The following PRKCA variants were observed in gnomAD, a reference collection of about 807,000 sequenced individuals.
The protein encoded by PRKCA is protein kinase C alpha type.
Under a neutral mutation model 87.0 loss-of-function variants are expected in PRKCA, and 27 were observed. That is an observed-to-expected ratio of 0.31 (90% CI 0.23 to 0.43). The LOEUF (loss-of-function observed/expected upper bound fraction) is 0.43. Among genes scored for constraint, PRKCA ranks in the 20% least tolerant of loss-of-function variants. The pLI, the probability that PRKCA is intolerant of heterozygous loss-of-function variation, is 1.00. For missense variants in PRKCA, 518 were observed against 852.3 expected, an observed-to-expected ratio of 0.61 and a Z score of 4.88; for synonymous variants, 329 against 311.1, an observed-to-expected ratio of 1.06 and a Z score of -0.61.
intron 2 of PRKCA, among the ~76,000 whole-genome samples, chr17:66,445,969 A>G (rs769156615): frequency 6.6e-6 from 1 of 151,774 alleles, no homozygotes; most frequent in African/African-American, 2.4e-5. Flanking sequence ...GCGTGCCACT[A>G]CACCTGGCTA....
chr17:66,604,472 T>C (rs961516836), intron 3 of PRKCA, among the ~76,000 whole-genome samples: 2 of 152,218 alleles, frequency 1.3e-5, no homozygotes, highest in Non-Finnish European at 2.9e-5. Context: ...TTTTCTCTAG[T>C]CCCTTTGGTA....
chr17:66,672,619 A>C (rs1428390752), intron 5 of PRKCA, among the ~76,000 whole-genome samples: 4 of 152,228 alleles, frequency 2.6e-5, no homozygotes, highest in Non-Finnish European at 5.9e-5. Context: ...CAAGAAAAAA[A>C]GTATCAGAAA....
chr17:66,552,848 G>T (rs184635782), intron 3 of PRKCA, among the ~76,000 whole-genome samples: 10 of 152,088 alleles, frequency 6.6e-5, no homozygotes, highest in Non-Finnish European at 1.2e-4. Flanking sequence ...GCCGCCTCCC[G>T]CCATGTATGA....
In PRKCA at chr17:66,804,017, A is replaced by T. The variant is rs373125445; in HGVS notation, c.1999A>T (p.Ile667Phe). Residue 667 changes from isoleucine (I) to phenylalanine (F), a missense_variant, in exon 17 of 17, where the codon ATC becomes TTC. This residue lies in a region of PRKCA where 159 missense variants were observed against 232.4 expected (regional missense o/e 0.68). Transcript: ENST00000413366. ...TGTCAACCCCCAGTTTGTGCACCCCATCTTACAGAGTGCAGTATGAAACTC... is the reference window on the plus strand; with the variant it reads ...TGTCAACCCCCAGTTTGTGCACCCCTTCTTACAGAGTGCAGTATGAAACTC... ...SYVNPQFVHP[I>F]LQSAV is the part of the protein sequence containing the mutation. The T allele has an allele frequency of 5.4e-5, 87 of 1,612,996 alleles. No homozygotes were observed. The highest frequency in any genetic ancestry group is 7.0e-5 in the Non-Finnish European group (83 of 1,179,360).
chr17:66,519,437 G>T (rs951578593), intron 3 of PRKCA, among the ~76,000 whole-genome samples: 1 of 152,182 alleles, frequency 6.6e-6, no homozygotes, highest in Non-Finnish European at 1.5e-5. Context: ...GTTGACTGGG[G>T]CCTTAAGGTG....
intron 3 of PRKCA, among the ~76,000 whole-genome samples, chr17:66,633,275 A>C (rs1971069832): frequency 6.6e-6 from 1 of 152,156 alleles, no homozygotes; most frequent in South Asian, 2.1e-4. Context: ...TAACCAAAAA[A>C]ATTTTAAATA....
At chr17:66,362,938 C>T (rs1393477291) in intron 2 of PRKCA, among the ~76,000 whole-genome samples, 4 of 152,180 alleles carry the variant, frequency 2.6e-5, no homozygotes, top group African/African-American at 9.6e-5. Flanking sequence ...AGGGGATCCA[C>T]CCGCCTCAGC....
At chr17:66,337,757 A>G (rs1392537384) in intron 2 of PRKCA, among the ~76,000 whole-genome samples, 1 of 152,090 alleles carries the variant, frequency 6.6e-6, no homozygotes, top group Non-Finnish European at 1.5e-5. Flanking sequence ...ATATACCTCA[A>G]TGGTTTTTTA....
intron 2 of PRKCA, among the ~76,000 whole-genome samples, chr17:66,467,796 G>A (rs1343504635): frequency 4.0e-5 from 6 of 151,862 alleles, no homozygotes; most frequent in African/African-American, 9.7e-5. Context: ...GGGCTCAAGC[G>A]ATCCCCACGC....
At chr17:66,572,780 C>A (rs767560720) in intron 3 of PRKCA, among the ~76,000 whole-genome samples, 8 of 152,106 alleles carry the variant, frequency 5.3e-5, no homozygotes, top group Admixed American at 1.3e-4. Context: ...ATGAGCCACC[C>A]CACCTGGCCC....
At chr17:66,785,912 C>T (rs570140873) in intron 14 of PRKCA, among the ~76,000 whole-genome samples, 59 of 152,246 alleles carry the variant, frequency 3.9e-4, no homozygotes, top group Non-Finnish European at 4.9e-4. Context: ...CACTGCAAGC[C>T]CCGCCTCCCA....
At chr17:66,460,263 G>A (rs1187279848) in intron 2 of PRKCA, among the ~76,000 whole-genome samples, 1 of 152,152 alleles carries the variant, frequency 6.6e-6, no homozygotes, top group Non-Finnish European at 1.5e-5. Context: ...GTGTGTGTAT[G>A]ATCCATATGG....
At chr17:66,538,179 A>T (rs1196778758) in intron 3 of PRKCA, among the ~76,000 whole-genome samples, 1 of 152,102 alleles carries the variant, frequency 6.6e-6, no homozygotes, top group African/African-American at 2.4e-5. Flanking sequence ...CCTTCTGGAG[A>T]TGTGTCACAG....
intron 5 of PRKCA, among the ~76,000 whole-genome samples, chr17:66,680,717 A>G (rs1175459939): frequency 6.6e-6 from 1 of 152,168 alleles, no homozygotes; most frequent in Non-Finnish European, 1.5e-5. Context: ...AATCCTTCAG[A>G]ACCTCTGCAT....
intron 14 of PRKCA, among the ~76,000 whole-genome samples, chr17:66,784,406 C>A (rs546773723): frequency 6.6e-6 from 1 of 152,298 alleles, no homozygotes; most frequent in Non-Finnish European, 1.5e-5. Context: ...CCACCACAGT[C>A]GGCTAATTTT....
At chr17:66,503,208 T>G (rs1023013341) in intron 3 of PRKCA, among the ~76,000 whole-genome samples, 17 of 152,162 alleles carry the variant, frequency 1.1e-4, no homozygotes, top group Admixed American at 3.9e-4. Flanking sequence ...CATTATGTTT[T>G]TATTTGCCCC....
At chr17:66,730,729 G>C (rs1973865077) in intron 8 of PRKCA, among the ~76,000 whole-genome samples, 1 of 152,178 alleles carries the variant, frequency 6.6e-6, no homozygotes, top group African/African-American at 2.4e-5. Context: ...GTTGTATTAG[G>C]GGTTCTTTGT....
chr17:66,426,018 G>A (rs1043668880), intron 2 of PRKCA, among the ~76,000 whole-genome samples: 5 of 152,120 alleles, frequency 3.3e-5, no homozygotes, highest in South Asian at 2.1e-4. Context: ...GCAAATGGCC[G>A]AGCTGGCTAG....
intron 2 of PRKCA, among the ~76,000 whole-genome samples, chr17:66,489,352 C>CATATATATATAT (rs10529618): frequency 4.0e-5 from 4 of 98,960 alleles, no homozygotes; most frequent in Admixed American, 1.1e-4. Context: ...CTTAGCAGTG[C>CATATATATATAT]ATATATATAT....
Sources: gnomAD v4.1 joint callset for allele counts (sites outside exome capture counted in the v4.1 genomes callset) on GRCh38, gnomAD v4.1.1 for gene constraint, gnomAD v4.1.1 regional missense constraint, MANE v1.5 for transcripts, NCBI Gene and HGNC (gene_info 2026-07-23, HGNC 2026-07-21) for gene names.